Variants in NKAIN2 observed in about 807,000 individuals in gnomAD.
The protein encoded by NKAIN2 is sodium/potassium-transporting ATPase subunit beta-1-interacting protein 2.
A neutral mutation model predicts 32.6 loss-of-function variants in NKAIN2; 14 were observed. The ratio of observed to expected loss-of-function variants is 0.43; its 90% CI spans 0.28 to 0.67. The LOEUF is 0.67. Among genes scored for constraint, NKAIN2 ranks in the 30% least tolerant of loss-of-function variants. The pLI, the probability that NKAIN2 is intolerant of heterozygous loss-of-function variation, is 0.17. For missense variants in NKAIN2, 198 were observed against 258.3 expected (o/e 0.77, Z 1.60); for synonymous variants, 80 against 87.2 (o/e 0.92, Z 0.46).
At chr6:123,853,572 A>G (rs945040606) in intron 1 of NKAIN2, among the ~76,000 whole-genome samples, 4 of 152,172 alleles carry the variant, frequency 2.6e-5, no homozygotes, top group Admixed American at 1.3e-4. Context: ...TTATGAAAAC[A>G]TAAGAAAAAA....
chr6:124,609,671 A>AT (rs913381073), intron 3 of NKAIN2, among the ~76,000 whole-genome samples: 28 of 148,194 alleles, frequency 1.9e-4, no homozygotes, highest in Admixed American at 6.1e-4. Flanking sequence ...AGCCCCACAC[A>AT]TTTTTTTTTC....
chr6:124,515,534 A>G (rs944441367), intron 3 of NKAIN2, among the ~76,000 whole-genome samples: 1 of 151,988 alleles, frequency 6.6e-6, no homozygotes, highest in African/African-American at 2.4e-5. Flanking sequence ...GAATGAGAAC[A>G]CACTCACCAG....
intron 4 of NKAIN2, among the ~76,000 whole-genome samples, chr6:124,697,005 C>T (rs1051710236): frequency 6.6e-6 from 1 of 152,032 alleles, no homozygotes; most frequent in Non-Finnish European, 1.5e-5. Context: ...CCTGCATGAC[C>T]TTCAATGAGT....
At chr6:124,523,977 C>G (rs1194403307) in intron 3 of NKAIN2, among the ~76,000 whole-genome samples, 2 of 152,096 alleles carry the variant, frequency 1.3e-5, no homozygotes, top group Non-Finnish European at 2.9e-5. Flanking sequence ...GTGAATAGAA[C>G]TCTATTGAAA....
intron 3 of NKAIN2, among the ~76,000 whole-genome samples, chr6:124,470,151 T>C (rs185676167): frequency 9.2e-5 from 14 of 152,134 alleles, no homozygotes; most frequent in African/African-American, 2.2e-4. Flanking sequence ...TAAAGGTCCA[T>C]TGATGGCAGC....
At chr6:124,728,232 C>T (rs1432063326) in intron 4 of NKAIN2, among the ~76,000 whole-genome samples, 1 of 110,434 alleles carries the variant, frequency 9.1e-6, no homozygotes, top group Admixed American at 1.0e-4. Flanking sequence ...CAGAACTCTC[C>T]ACCCCAAATC....
intron 3 of NKAIN2, among the ~76,000 whole-genome samples, chr6:124,553,362 C>T (rs184829355): frequency 8.5e-5 from 13 of 152,286 alleles, no homozygotes; most frequent in African/African-American, 3.1e-4. Flanking sequence ...GGCTGGAGTG[C>T]AATGGCACAA....
intron 3 of NKAIN2, among the ~76,000 whole-genome samples, chr6:124,543,649 CAA>C (rs1299549105): frequency 6.6e-6 from 1 of 151,812 alleles, no homozygotes; most frequent in Non-Finnish European, 1.5e-5. Flanking sequence ...TACACACACA[CAA>C]AAAAAGCAGG....
intron 1 of NKAIN2, among the ~76,000 whole-genome samples, chr6:124,197,289 T>C (rs112753919): frequency 6.0e-4 from 92 of 152,154 alleles, no homozygotes; most frequent in African/African-American, 2.1e-3. Flanking sequence ...TTCTCTTCCT[T>C]CTATGGCCTC....
At chr6:124,302,888 C>G (rs1796347767) in intron 2 of NKAIN2, among the ~76,000 whole-genome samples, 1 of 152,086 alleles carries the variant, frequency 6.6e-6, no homozygotes, top group African/African-American at 2.4e-5. Flanking sequence ...AGAAAGGTAT[C>G]AAAATATGTA....
chr6:124,661,024 A>T (rs2114437331), intron 4 of NKAIN2, among the ~76,000 whole-genome samples: 1 of 152,286 alleles, frequency 6.6e-6, no homozygotes, highest in Non-Finnish European at 1.5e-5. Flanking sequence ...TGTTCCATTA[A>T]ATCAGTCTAG....
At chr6:124,110,932 C>G (rs1042206514) in intron 1 of NKAIN2, among the ~76,000 whole-genome samples, 2 of 151,968 alleles carry the variant, frequency 1.3e-5, no homozygotes, top group African/African-American at 4.8e-5. Context: ...TTTTCTATTT[C>G]ATATTTTAAA....
At chr6:124,173,184 G>T (rs139826652) in intron 1 of NKAIN2, among the ~76,000 whole-genome samples, 216 of 152,146 alleles carry the variant, frequency 1.4e-3, no homozygotes, top group African/African-American at 4.8e-3. Flanking sequence ...ATTGTATTAA[G>T]AATAATGATA....
chr6:124,040,591 T>C (rs1781824886), intron 1 of NKAIN2, among the ~76,000 whole-genome samples: 1 of 152,054 alleles, frequency 6.6e-6, no homozygotes, highest in South Asian at 2.1e-4. Context: ...AGCAACCATT[T>C]ACTAAGTATT....
chr6:124,352,386 G>C (rs949489606), intron 2 of NKAIN2, among the ~76,000 whole-genome samples: 1 of 152,118 alleles, frequency 6.6e-6, no homozygotes, highest in Non-Finnish European at 1.5e-5. Context: ...ATATAATACT[G>C]AAGTAGTGAC....
intron 2 of NKAIN2, among the ~76,000 whole-genome samples, chr6:124,334,587 T>C (rs62434700): frequency 0.021 from 3,211 of 152,160 alleles, 64 homozygotes; most frequent in Non-Finnish European, 0.031. Context: ...AGCCAGTTTA[T>C]AGATCTGGGT....
intron 1 of NKAIN2, among the ~76,000 whole-genome samples, chr6:123,877,554 G>C (rs1038486518): frequency 1.3e-5 from 2 of 152,220 alleles, no homozygotes; most frequent in African/African-American, 4.8e-5. Flanking sequence ...CTGTGAAGTT[G>C]CAGGTTCAGT....
At chr6:123,923,378 G>A (rs1775849297) in intron 1 of NKAIN2, among the ~76,000 whole-genome samples, 2 of 151,684 alleles carry the variant, frequency 1.3e-5, no homozygotes, top group Admixed American at 1.3e-4. Context: ...CAGGAGTGGG[G>A]GATTGATTAT....
At chr6:123,924,282 T>G (rs75941274) in intron 1 of NKAIN2, among the ~76,000 whole-genome samples, 3,246 of 152,316 alleles carry the variant, frequency 0.021, 103 homozygotes, top group African/African-American at 0.073. Flanking sequence ...GTCTCTGCCC[T>G]GATTTCAGTT....
Sources: gnomAD v4.1 joint callset for allele counts (sites outside exome capture counted in the v4.1 genomes callset) on GRCh38, gnomAD v4.1.1 for gene constraint, MANE v1.5 for transcripts, NCBI Gene and HGNC (gene_info 2026-07-23, HGNC 2026-07-21) for gene names.